Variants in RCSD1 observed in about 807,000 individuals in gnomAD.
RCSD1 encodes RCSD domain containing 1.
In RCSD1, 26 loss-of-function variants were observed where a neutral mutation model predicts 42.5. The ratio of observed to expected loss-of-function variants is 0.61; its 90% CI spans 0.45 to 0.85. The LOEUF is 0.85. RCSD1 is among the 40% of genes least tolerant of loss of function. The probability of loss-of-function intolerance (pLI) is 0.00; values close to 1 mark genes in which losing one functional copy is unlikely to be tolerated. For synonymous variants in RCSD1, 220 were observed against 212.2 expected (o/e 1.04, Z -0.32); for missense variants, 571 against 528.3 (o/e 1.08, Z -0.79).
chr1:167,660,597 T>A (rs1309927961), intron 1 of RCSD1, among the ~76,000 whole-genome samples: 2 of 152,080 alleles, frequency 1.3e-5, no homozygotes, highest in African/African-American at 4.8e-5. Context: ...GAATACCTCT[T>A]GAATATGTAG....
intron 3 of RCSD1, among the ~76,000 whole-genome samples, chr1:167,688,482 AC>A (rs1336750220): frequency 6.6e-6 from 1 of 152,122 alleles, no homozygotes; most frequent in Non-Finnish European, 1.5e-5. Flanking sequence ...AACATACCCG[AC>A]AGTGAAGACA....
intron 1 of RCSD1, among the ~76,000 whole-genome samples, chr1:167,671,242 T>C (rs114497516): frequency 1.3e-4 from 20 of 152,312 alleles, no homozygotes; most frequent in Admixed American, 3.9e-4. Context: ...TGGGCTATGC[T>C]CTTGATTCTC....
chr1:167,704,871 C>T lies in RCSD1; in HGVS notation c.*175C>T. 2 of 590,450 alleles carry T rather than the reference C, an allele frequency of 3.4e-6. No homozygotes were observed. The highest frequency in any genetic ancestry group is 6.1e-6 in the Non-Finnish European group (2 of 328,036). The allele number at this position is 590,450 out of a possible 1,614,324, so 36.6% of individuals were successfully genotyped here. ...TTCCTGGCCTCCACACCAAACGTTC[C>T]CTTGCAGATGGAGACTGAATCTGAG... On this transcript the variant is annotated 3_prime_UTR_variant, in exon 7 of 7. Transcript: ENST00000367854.
chr1:167,703,645 A>G (rs1294848082), intron 6 of RCSD1, among the ~76,000 whole-genome samples: 1 of 152,158 alleles, frequency 6.6e-6, no homozygotes, highest in African/African-American at 2.4e-5. Flanking sequence ...AAACCCTTTG[A>G]TACTGCCCAC....
chr1:167,646,505 T>TTTTTTC (rs149595197), intron 1 of RCSD1, among the ~76,000 whole-genome samples: 51 of 146,752 alleles, frequency 3.5e-4, no homozygotes, highest in Admixed American at 6.1e-4. Flanking sequence ...ACTTAGAGTT[T>TTTTTTC]TTTTTCTTTT....
chr1:167,704,721 A>T lies in RCSD1; in HGVS notation c.*25A>T. 3 of 1,610,564 alleles carry T rather than the reference A, an allele frequency of 1.9e-6. No homozygotes were observed. The highest frequency in any genetic ancestry group is 2.5e-6 in the Non-Finnish European group (3 of 1,177,376). On this transcript the variant is annotated 3_prime_UTR_variant, in exon 7 of 7. Coordinates refer to ENST00000367854, the MANE Select transcript of RCSD1 (RefSeq NM_052862.4). ...AAGAACAGCTCATTGTGCCCCAGTG[A>T]TGAAGTTGCTGGACACATCTCTTTG...
intron 4 of RCSD1, 113 bp from the exon 5 acceptor site, chr1:167,693,986 G>A: frequency 1.1e-6 from 1 of 932,032 alleles, no homozygotes; most frequent in Admixed American, 2.2e-5. Flanking sequence ...AGCATGAAAA[G>A]CCTGGTGTTA....
intron 1 of RCSD1, among the ~76,000 whole-genome samples, chr1:167,653,089 C>T (rs1658350170): frequency 6.6e-6 from 1 of 152,172 alleles, no homozygotes; most frequent in Non-Finnish European, 1.5e-5. Context: ...CGCCATAATC[C>T]TGGCAGCCTT....
chr1:167,646,534 T>A (rs1305803970), intron 1 of RCSD1, among the ~76,000 whole-genome samples: 1 of 141,156 alleles, frequency 7.1e-6, no homozygotes, highest in Non-Finnish European at 1.5e-5. Context: ...TTTTTCTTTT[T>A]ATATTACTTT....
At chr1:167,643,663 G>C (rs1335936898) in intron 1 of RCSD1, among the ~76,000 whole-genome samples, 2 of 152,194 alleles carry the variant, frequency 1.3e-5, no homozygotes, top group East Asian at 3.9e-4. Context: ...GTTTGAGTTT[G>C]ACTTTGCCAT....
intron 6 of RCSD1, among the ~76,000 whole-genome samples, chr1:167,703,600 C>T (rs1659691584): frequency 6.6e-6 from 1 of 152,194 alleles, no homozygotes; most frequent in Admixed American, 6.5e-5. Flanking sequence ...ATGCCTCTTC[C>T]TATAAATACC....
chr1:167,675,083 G>A (rs1658908622), intron 1 of RCSD1, among the ~76,000 whole-genome samples: 1 of 151,888 alleles, frequency 6.6e-6, no homozygotes. Context: ...GCACGTGCCT[G>A]TAGTCCCAGC....
intron 1 of RCSD1, among the ~76,000 whole-genome samples, chr1:167,630,856 G>T (rs908557879): frequency 1.3e-5 from 2 of 148,276 alleles, no homozygotes; most frequent in Non-Finnish European, 3.0e-5. Flanking sequence ...AAGAGAAACA[G>T]AACTGGCAAC....
intron 1 of RCSD1, chr1:167,640,812 A>T (rs1391500815): frequency 6.6e-6 from 1 of 152,230 alleles, no homozygotes; most frequent in African/African-American, 2.4e-5. Flanking sequence ...AGCCTCCTGA[A>T]GCGCTGGGAT....
At chr1:167,649,307 C>T (rs1168274159) in intron 1 of RCSD1, among the ~76,000 whole-genome samples, 1 of 152,058 alleles carries the variant, frequency 6.6e-6, no homozygotes, top group East Asian at 1.9e-4. Context: ...CTCTTCAGGG[C>T]TTGATCCGGG....
intron 4 of RCSD1, among the ~76,000 whole-genome samples, chr1:167,693,221 G>A (rs758149695): frequency 7.2e-5 from 11 of 152,146 alleles, no homozygotes; most frequent in Non-Finnish European, 1.2e-4. Context: ...TCTGCAGGAC[G>A]CAGCTCTGTG....
At chr1:167,645,432 T>A (rs1658110607) in intron 1 of RCSD1, among the ~76,000 whole-genome samples, 1 of 152,122 alleles carries the variant, frequency 6.6e-6, no homozygotes, top group Non-Finnish European at 1.5e-5. Context: ...TGCCAAGAGA[T>A]AAGATATGTC....
At chr1:167,652,785 A>G (rs1658344503) in intron 1 of RCSD1, among the ~76,000 whole-genome samples, 1 of 152,140 alleles carries the variant, frequency 6.6e-6, no homozygotes, top group Non-Finnish European at 1.5e-5. Context: ...GTCATTTGTA[A>G]TGGTAGCATA....
At chr1:167,648,694 TG>T (rs5778561) in intron 1 of RCSD1, among the ~76,000 whole-genome samples, 21,100 of 152,074 alleles carry the variant, frequency 0.14, 1,939 homozygotes, top group Non-Finnish European at 0.19. Context: ...ATACCAGTGA[TG>T]GGGTGCGGGC....
Sources: allele counts gnomAD v4.1 joint callset (sites outside exome capture counted in the v4.1 genomes callset), GRCh38; gene constraint gnomAD v4.1.1; transcripts MANE v1.5; gene names NCBI Gene and HGNC (gene_info 2026-07-23, HGNC 2026-07-21).